HS6ST3: variants seen among roughly 807,000 people sequenced by gnomAD.
HS6ST3 encodes the protein heparan-sulfate 6-O-sulfotransferase 3.
HS6ST3 carries 12 observed loss-of-function variants against 36.7 expected under a neutral mutation model. The ratio of observed to expected loss-of-function variants is 0.33; its 90% confidence interval spans 0.21 to 0.53. HS6ST3 has a LOEUF of 0.53. Among genes scored for constraint, HS6ST3 ranks in the 20% least tolerant of loss-of-function variants. The pLI is 0.95. For missense variants in HS6ST3, 584 were observed against 640.9 expected, an observed-to-expected ratio of 0.91 and a Z score of 0.96; for synonymous variants, 240 against 257.5, an observed-to-expected ratio of 0.93 and a Z score of 0.65.
chr13:96,297,346 A>T (rs1744441423), intron 1 of HS6ST3, among the ~76,000 whole-genome samples: 1 of 151,984 alleles, frequency 6.6e-6, no homozygotes, highest in African/African-American at 2.4e-5. Flanking sequence ...TTCTATTTCT[A>T]CATTTTCACT....
intron 1 of HS6ST3, among the ~76,000 whole-genome samples, chr13:96,126,079 A>G (rs566343215): frequency 2.6e-5 from 4 of 152,220 alleles, no homozygotes; most frequent in Admixed American, 2.0e-4. Flanking sequence ...AATTCCGTAA[A>G]CGCATGTGCT....
chr13:96,802,530 G>A (rs1435478731), intron 1 of HS6ST3, among the ~76,000 whole-genome samples: 1 of 152,126 alleles, frequency 6.6e-6, no homozygotes, highest in Non-Finnish European at 1.5e-5. Flanking sequence ...CATGCATCCT[G>A]TGGTACCAAG....
intron 1 of HS6ST3, among the ~76,000 whole-genome samples, chr13:96,098,800 G>A (rs978250489): frequency 2.0e-5 from 3 of 152,168 alleles, no homozygotes; most frequent in Non-Finnish European, 4.4e-5. Context: ...GGAAAATGTC[G>A]ATAAGAAGAG....
At chr13:96,700,905 A>T (rs1875268186) in intron 1 of HS6ST3, among the ~76,000 whole-genome samples, 1 of 152,110 alleles carries the variant, frequency 6.6e-6, no homozygotes, top group African/African-American at 2.4e-5. Flanking sequence ...AATGAGTATA[A>T]ACTCCTTACT....
chr13:96,337,025 C>G (rs1044542438), intron 1 of HS6ST3, among the ~76,000 whole-genome samples: 1 of 152,124 alleles, frequency 6.6e-6, no homozygotes, highest in Non-Finnish European at 1.5e-5. Context: ...CTCTTTTCAA[C>G]ATTTAAAAAC....
At chr13:96,797,654 C>T (rs1877946825) in intron 1 of HS6ST3, among the ~76,000 whole-genome samples, 1 of 152,022 alleles carries the variant, frequency 6.6e-6, no homozygotes, top group African/African-American at 2.4e-5. Flanking sequence ...AAATCTGTTT[C>T]TGTGACTTCA....
chr13:96,502,113 G>C (rs2056006887), intron 1 of HS6ST3, among the ~76,000 whole-genome samples: 1 of 152,134 alleles, frequency 6.6e-6, no homozygotes, highest in Admixed American at 6.6e-5. Context: ...CTAGTGACCT[G>C]CAGGTACCCT....
intron 1 of HS6ST3, among the ~76,000 whole-genome samples, chr13:96,516,717 C>T (rs2056074306): frequency 6.6e-6 from 1 of 152,016 alleles, no homozygotes; most frequent in African/African-American, 2.4e-5. Flanking sequence ...ATTGCATTTA[C>T]CCTAGTCTTG....
intron 1 of HS6ST3, among the ~76,000 whole-genome samples, chr13:96,680,634 C>T (rs1407178194): frequency 1.3e-5 from 2 of 152,166 alleles, no homozygotes; most frequent in Non-Finnish European, 2.9e-5. Context: ...GAGGTTAGAT[C>T]ACAGTTCTTG....
At chr13:96,629,945 A>G (rs946960696) in intron 1 of HS6ST3, among the ~76,000 whole-genome samples, 5 of 151,726 alleles carry the variant, frequency 3.3e-5, no homozygotes, top group African/African-American at 1.2e-4. Context: ...TCTATTTTCA[A>G]TATTTTTTTC....
intron 1 of HS6ST3, among the ~76,000 whole-genome samples, chr13:96,502,820 C>T (rs577886842): frequency 1.3e-5 from 2 of 152,076 alleles, no homozygotes; most frequent in African/African-American, 2.4e-5. Context: ...TTTAGCCAAG[C>T]CATATATCTT....
intron 1 of HS6ST3, among the ~76,000 whole-genome samples, chr13:96,473,715 G>A (rs2055850228): frequency 6.6e-6 from 1 of 152,130 alleles, no homozygotes; most frequent in African/African-American, 2.4e-5. Context: ...AGATGCCTTT[G>A]GAATAGGAAG....
Position 96,091,222 on chromosome 13 carries a change from G to T in HS6ST3, c.360G>T (p.Leu120=). The T allele has an allele frequency of 6.3e-7, 1 of 1,578,796 alleles. No individual in the cohort carries two copies. The part of the protein sequence containing the change: ...PDPEAPENGS[L]PRFVPRFNFS... ...CCGAGGCCCCGGAAAACGGCTCCCT[G>T]CCCCGATTCGTGCCGCGCTTCAACT... Residue 120 remains leucine, a synonymous_variant, in exon 1 of 2, where the codon CTG becomes CTT. Transcript: ENST00000376705.
chr13:96,610,186 A>C (rs1321238568), intron 1 of HS6ST3, among the ~76,000 whole-genome samples: 1 of 152,182 alleles, frequency 6.6e-6, no homozygotes, highest in African/African-American at 2.4e-5. Context: ...TCCAAGCTTC[A>C]ATTTATGCAT....
At chr13:96,721,546 A>G (rs545019595) in intron 1 of HS6ST3, among the ~76,000 whole-genome samples, 132 of 152,352 alleles carry the variant, frequency 8.7e-4, no homozygotes, top group African/African-American at 3.0e-3. Context: ...CAATCTGGCC[A>G]TGGACTAATA....
chr13:96,678,833 C>G (rs1207012149), intron 1 of HS6ST3, among the ~76,000 whole-genome samples: 1 of 152,016 alleles, frequency 6.6e-6, no homozygotes, highest in Admixed American at 6.6e-5. Context: ...CCTCCCTATC[C>G]CTTTCATTAT....
At chr13:96,151,403 T>TG (rs1461851365) in intron 1 of HS6ST3, among the ~76,000 whole-genome samples, 4 of 55,784 alleles carry the variant, frequency 7.2e-5, no homozygotes, top group Admixed American at 1.7e-4. Context: ...GACTCCATCT[T>TG]GGAAAAAAAA....
At chr13:96,756,150 T>C (rs74242910) in intron 1 of HS6ST3, among the ~76,000 whole-genome samples, 27,983 of 152,236 alleles carry the variant, frequency 0.18, 3,175 homozygotes, top group Non-Finnish European at 0.25. Context: ...GTATCTTCTT[T>C]TGTGACGTGT....
chr13:96,580,681 A>G (rs2056338796), intron 1 of HS6ST3, among the ~76,000 whole-genome samples: 1 of 152,162 alleles, frequency 6.6e-6, no homozygotes, highest in African/African-American at 2.4e-5. Context: ...TTTAAGGTGC[A>G]TGACGAAAAT....
Sources: gnomAD v4.1 joint callset for allele counts (sites outside exome capture counted in the v4.1 genomes callset) on GRCh38, gnomAD v4.1.1 for gene constraint, MANE v1.5 for transcripts, NCBI Gene and HGNC (gene_info 2026-07-23, HGNC 2026-07-21) for gene names.